The following DPP6 variants were observed in gnomAD, a reference collection of about 807,000 sequenced individuals.
DPP6 encodes dipeptidyl peptidase like 6.
In DPP6, 69 loss-of-function variants were observed where a neutral mutation model predicts 122.6. The observed-to-expected ratio is 0.56, with a 90% CI of 0.46 to 0.69. DPP6 has a LOEUF of 0.69. DPP6 is among the 30% of genes least tolerant of loss of function. The pLI is 0.00. For missense variants in DPP6, 928 were observed against 1,116.9 expected (o/e 0.83, Z 2.41); for synonymous variants, 418 against 433.1 (o/e 0.97, Z 0.43).
chr7:154,450,179 G>T (rs934434608), intron 2 of DPP6, among the ~76,000 whole-genome samples: 9 of 152,230 alleles, frequency 5.9e-5, no homozygotes, highest in Non-Finnish European at 7.4e-5. Context: ...GGCATAAAAG[G>T]CCACATATTG....
chr7:154,784,529 C>T (rs1380169085), intron 10 of DPP6, among the ~76,000 whole-genome samples: 1 of 152,168 alleles, frequency 6.6e-6, no homozygotes, highest in Non-Finnish European at 1.5e-5. Context: ...AAAAAATGTA[C>T]ACTCAGTGAG....
At chr7:154,373,302 A>G (rs988242556) in intron 1 of DPP6, among the ~76,000 whole-genome samples, 1 of 152,230 alleles carries the variant, frequency 6.6e-6, no homozygotes, top group Non-Finnish European at 1.5e-5. Context: ...ATGTAGAAAT[A>G]ACGATTTAAT....
intron 5 of DPP6, among the ~76,000 whole-genome samples, chr7:154,582,054 C>A (rs1832109424): frequency 6.6e-6 from 1 of 152,164 alleles, no homozygotes; most frequent in African/African-American, 2.4e-5. Flanking sequence ...CCTCTCGGTG[C>A]CCTGCTCACT....
intron 4 of DPP6, 85 bp downstream of exon 4, chr7:154,540,711 T>G (rs1828658343): frequency 3.8e-6 from 3 of 787,784 alleles, no homozygotes; most frequent in Non-Finnish European, 4.0e-6. Flanking sequence ...TGGTTTCAAC[T>G]TTTAGCATAG....
At chr7:153,843,273 C>T in the DPP6 span, among the ~76,000 whole-genome samples, 27 of 44,086 alleles carry the variant, frequency 6.1e-4, no homozygotes, top group East Asian at 0.024. Context: ...CACACGCATG[C>T]GCGCGCGCAC....
chr7:153,788,412 T>C, the DPP6 span, among the ~76,000 whole-genome samples: 1 of 152,210 alleles, frequency 6.6e-6, no homozygotes, highest in Admixed American at 6.5e-5. Flanking sequence ...AAGAGTTAGA[T>C]AAAAAGAATT....
chr7:154,283,223 A>G (rs1804641666), intron 1 of DPP6, among the ~76,000 whole-genome samples: 1 of 152,152 alleles, frequency 6.6e-6, no homozygotes, highest in Non-Finnish European at 1.5e-5. Context: ...AAGCGAGTAG[A>G]GGCTGTAAGC....
At chr7:154,446,048 G>A (rs1000609529) in intron 1 of DPP6, among the ~76,000 whole-genome samples, 166 bp from the exon 2 acceptor site, 37 of 151,798 alleles carry the variant, frequency 2.4e-4, no homozygotes, top group African/African-American at 8.0e-4. Flanking sequence ...AAGGCAGAAG[G>A]GTGCAGAAGG....
the DPP6 span, among the ~76,000 whole-genome samples, chr7:153,757,477 G>A: frequency 2.6e-5 from 4 of 152,158 alleles, no homozygotes; most frequent in Non-Finnish European, 5.9e-5. Context: ...GGTTTACTGA[G>A]GTAGAGTGGA....
intron 1 of DPP6, among the ~76,000 whole-genome samples, chr7:154,007,234 TG>T (rs1222219629): frequency 1.3e-5 from 2 of 152,246 alleles, no homozygotes; most frequent in East Asian, 3.8e-4. Flanking sequence ...GATGTATCTT[TG>T]GGCTTCTTAT....
intron 1 of DPP6, among the ~76,000 whole-genome samples, chr7:154,098,789 A>G (rs1418460598): frequency 6.6e-6 from 1 of 152,116 alleles, no homozygotes. Flanking sequence ...TGCATTTGGC[A>G]GTGATATATA....
Position 154,052,893 on chromosome 7 carries a change from A to G in DPP6, c.73A>G (p.Ser25Gly). 2 of 1,528,296 alleles carry G rather than the reference A, an allele frequency of 1.3e-6. No homozygotes were observed. Among genetic ancestry groups the G allele is most frequent in the Admixed American group, 2.0e-5 (1 of 50,304 alleles). The allele number at this position is 1,528,296 out of a possible 1,614,324, so 94.7% of individuals were successfully genotyped here. ...GTCCTTCCCCGCGCCCCCGGAGGCG[A>G]GTCACCTCCTGGGCGGCCAGGGGCC... ...SRSFPAPPEASHLLGGQGPEE... is the reference protein window; with the variant it reads ...SRSFPAPPEAGHLLGGQGPEE... Residue 25 changes from serine to glycine, a missense_variant, in exon 1 of 26, where the codon AGT becomes GGT. Coordinates refer to ENST00000377770, the MANE Select transcript of DPP6 (RefSeq NM_130797.4). This position sits in a 1 kb window ranked among gnomAD's most constrained non-coding sequence, Gnocchi z 4.8.
Position 154,141,316 on chromosome 7 carries a change from T to C in DPP6, c.243+88253T>C, listed in dbSNP as rs142982786. ...TACAGCTTGTTGCAAAAACACCATA[T>C]GCACCTTACGACTCTTTTCCCCACC... On this transcript the variant is annotated intron_variant, in intron 1 of 25. Transcript: ENST00000377770. Among the ~76,000 whole-genome samples the C allele has an allele frequency of 2.0e-4, 30 of 152,360 alleles. No homozygotes were observed. The East Asian group carries it at 5.8e-3, about 29-fold the overall frequency.
the DPP6 span, among the ~76,000 whole-genome samples, chr7:153,755,598 T>C: frequency 6.6e-6 from 1 of 152,190 alleles, no homozygotes; most frequent in Non-Finnish European, 1.5e-5. Flanking sequence ...TCCTGCCCCT[T>C]TTGGTTTAGA....
At chr7:153,823,489 A>C in the DPP6 span, among the ~76,000 whole-genome samples, 1 of 150,416 alleles carries the variant, frequency 6.6e-6, no homozygotes, top group Non-Finnish European at 1.5e-5. Context: ...CCTCTGCCTC[A>C]GGTTCCCACA....
intron 1 of DPP6, among the ~76,000 whole-genome samples, chr7:153,909,344 C>G: frequency 6.6e-6 from 1 of 152,196 alleles, no homozygotes. Context: ...CAGAGCCACG[C>G]CCTTCCATTC....
intron 6 of DPP6, among the ~76,000 whole-genome samples, chr7:154,641,094 C>T (rs573222932): frequency 1.4e-4 from 22 of 152,116 alleles, no homozygotes; most frequent in Non-Finnish European, 2.8e-4. Context: ...CCTTTCCCAT[C>T]CCCCTCTCAC....
At chr7:154,348,796 G>A (rs1253098442) in intron 1 of DPP6, among the ~76,000 whole-genome samples, 1 of 152,164 alleles carries the variant, frequency 6.6e-6, no homozygotes, top group Non-Finnish European at 1.5e-5. Context: ...TTCAGGAAGG[G>A]TTACTTTTTG....
chr7:154,445,464 G>A (rs546855994), intron 1 of DPP6, among the ~76,000 whole-genome samples: 30 of 152,206 alleles, frequency 2.0e-4, no homozygotes, highest in Non-Finnish European at 3.7e-4. Context: ...CAGCCAGTAC[G>A]CGTGATGAAT....
Sources: gnomAD v4.1 joint callset for allele counts (sites outside exome capture counted in the v4.1 genomes callset) on GRCh38, gnomAD v4.1.1 for gene constraint, Gnocchi (gnomAD v3.1) non-coding constraint, MANE v1.5 for transcripts, NCBI Gene and HGNC (gene_info 2026-07-23, HGNC 2026-07-21) for gene names.